Variants in AMOTL2 observed in about 807,000 individuals in gnomAD.
AMOTL2 encodes angiomotin like 2, also known as angiomotin-like protein 2.
AMOTL2 carries 33 observed loss-of-function variants against 78.4 expected under a neutral mutation model. That is an observed-to-expected ratio of 0.42 (90% confidence interval 0.32 to 0.56). The LOEUF (loss-of-function observed/expected upper bound fraction) is 0.56, where lower values mean the gene tolerates loss of function less well. Among genes scored for constraint, AMOTL2 ranks in the 20% least tolerant of loss-of-function variants. The pLI is 0.12. For missense variants in AMOTL2, 983 were observed against 1,030.1 expected (o/e 0.95, Z 0.63); for synonymous variants, 422 against 428.8 (o/e 0.98, Z 0.20).
intron 2 of AMOTL2, among the ~76,000 whole-genome samples, chr3:134,369,172 T>C (rs1459548416): frequency 6.6e-6 from 1 of 152,190 alleles, no homozygotes; most frequent in East Asian, 1.9e-4. Flanking sequence ...TTTCTCCTAC[T>C]ACCTAAGGTG....
chr3:134,361,449 C>G, intron 6 of AMOTL2, 63 bp downstream of exon 6: 1 of 1,490,708 alleles, frequency 6.7e-7, no homozygotes, highest in Admixed American at 2.1e-5. Flanking sequence ...CTACAGTCCC[C>G]GAGGAGGAAG....
chr3:134,360,946 G>A (rs1452091604), intron 6 of AMOTL2, among the ~76,000 whole-genome samples: 2 of 152,180 alleles, frequency 1.3e-5, no homozygotes, highest in African/African-American at 2.4e-5. Context: ...GGCCAAGGTC[G>A]GCGGACCACG....
intron 1 of AMOTL2, 28 bp downstream of exon 1, chr3:134,374,314 C>G (rs2107752147): frequency 1.0e-6 from 1 of 985,446 alleles, no homozygotes; most frequent in East Asian, 1.1e-4. Flanking sequence ...CTCGCGCGCT[C>G]TCCCGAGCGC....
upstream of AMOTL2, chr3:134,375,352 T>C: frequency 9.8e-7 from 1 of 1,021,846 alleles, no homozygotes; most frequent in Admixed American, 2.0e-5. Context: ...ATCATCCCTG[T>C]GTTGTAAATG....
intron 6 of AMOTL2, 106 bp downstream of exon 6, chr3:134,361,406 G>T (rs2017355219): frequency 7.5e-7 from 1 of 1,335,726 alleles, no homozygotes; most frequent in Admixed American, 2.7e-5. Flanking sequence ...ATCTAAGCAG[G>T]GGCTCCCGGG....
chr3:134,366,297 T>C lies in AMOTL2; in HGVS notation c.1172A>G (p.Asn391Ser). Residue 391 changes from asparagine to serine, a missense_variant, in exon 4 of 10, where the codon AAC becomes AGC. By Grantham distance (46) the Asn-to-Ser change is conservative. Coordinates refer to ENST00000249883, the MANE Select transcript of AMOTL2 (RefSeq NM_016201.4). The stretch of plus-strand genomic sequence containing the variant: ...CTGGCTCTCACCTCTAAGATCCCGG[T>C]TGAAGTCTTGCAGCCTCCTCATTTC... The part of the protein sequence containing the change: ...DSEMRRLQDF[N>S]RDLRERLESA... The C allele has an allele frequency of 6.2e-7, 1 of 1,614,176 alleles. No homozygotes were observed.
rs1290542031 is a variant in AMOTL2, at chr3:134,371,344, C to T, written c.90G>A (p.Thr30=). 6.8e-6 allele frequency: 11 copies of T among 1,611,170 alleles called. No homozygotes were observed. The highest frequency in any genetic ancestry group is 4.0e-5 in the African/African-American group (3 of 74,920). Residue 30 remains threonine, a synonymous_variant, in exon 2 of 10, where the codon ACG becomes ACA. Transcript: ENST00000249883. ...LRYGNLTETR[T]LLAIQQQALR... ...GGGCCTGCTGCTGGATGGCTAGCAG[C>T]GTGCGCGTCTCAGTCAGGTTGCCGT...
chr3:134,360,769 C>T (rs368477276), intron 6 of AMOTL2, among the ~76,000 whole-genome samples: 97 of 152,318 alleles, frequency 6.4e-4, no homozygotes, highest in African/African-American at 2.3e-3. Flanking sequence ...GGAGAAATAA[C>T]TCTATTTGGT....
intron 5 of AMOTL2, 64 bp downstream of exon 5, chr3:134,365,753 G>A: frequency 6.9e-7 from 1 of 1,455,322 alleles, no homozygotes; most frequent in South Asian, 1.2e-5. Context: ...TCCTAGTCCA[G>A]AGGGTGTGCA....
rs544825962 is a variant in AMOTL2, at chr3:134,369,308, A to G, written c.734+1392T>C. 2.6e-4 allele frequency among the ~76,000 whole-genome samples: 40 copies of G among 152,316 alleles called. 1 individual carries two copies. The South Asian group carries it at 7.5e-3, about 28-fold the overall frequency. On this transcript the variant is annotated intron_variant, in intron 2 of 9. Coordinates refer to ENST00000249883, the MANE Select transcript of AMOTL2 (RefSeq NM_016201.4). ...CTCCCCCCTGCACTGGGCCAGGCAG[A>G]CACAACTGGCATTCTTTGGGGATGA...
At chr3:134,370,458 A>C (rs1034462143) in intron 2 of AMOTL2, among the ~76,000 whole-genome samples, 6 of 152,182 alleles carry the variant, frequency 3.9e-5, no homozygotes, top group Non-Finnish European at 8.8e-5. Context: ...AGTTACTTGA[A>C]TGCTACAGCT....
At chr3:134,375,368 AC>A, upstream of AMOTL2, 1 of 896,584 alleles carries the variant, frequency 1.1e-6, no homozygotes, top group Non-Finnish European at 1.8e-6. Context: ...AAATGAGGAC[AC>A]CAGGGCTCAG....
intron 3 of AMOTL2, 108 bp downstream of exon 3, chr3:134,367,385 TCCAG>T (rs2017654515): frequency 7.8e-7 from 1 of 1,287,436 alleles, no homozygotes. Flanking sequence ...TAGGGAGAAA[TCCAG>T]CCAAACAGTT....
At position 134,356,270 on chromosome 3, in the gene AMOTL2, A is replaced by G. The variant is rs2017075534; in HGVS notation, c.*1435T>C. The G allele has an allele frequency of 6.6e-6, 1 of 152,342 alleles. No individual in the cohort carries two copies. Among genetic ancestry groups the G allele is most frequent in the South Asian group, 2.1e-4 (1 of 4,812 alleles). The allele number at this position is 152,342 out of a possible 1,614,324, so 9.4% of individuals were successfully genotyped here. A position where few individuals can be genotyped will look rare whatever the true frequency, so the allele number is the denominator to read the frequency against. Reference sequence around the variant, plus strand: ...AATGTTTAAAAAGGAAACTTGAGGAACCATGGAAATAAAACAACACATACC... The same window carrying G: ...AATGTTTAAAAAGGAAACTTGAGGAGCCATGGAAATAAAACAACACATACC... On this transcript the variant is annotated 3_prime_UTR_variant, in exon 10 of 10. Coordinates refer to ENST00000249883, the MANE Select transcript of AMOTL2 (RefSeq NM_016201.4).
In AMOTL2 at chr3:134,360,306, C is replaced by A; in HGVS notation, c.1683G>T (p.Ala561=). 1 of 1,614,246 alleles carries A rather than the reference C, an allele frequency of 6.2e-7. No homozygotes were observed. The highest frequency in any genetic ancestry group is 1.7e-5 in the Admixed American group (1 of 60,036). The change falls in exon 7 of 10, where the codon GCG becomes GCT. Residue 561 remains alanine (A), a synonymous_variant. Transcript: ENST00000249883. ...QLREKEEQIL[A]LEADMTKWEQ... Reference sequence around the variant, plus strand: ...CCCACTTGGTCATGTCGGCCTCCAGCGCCAGGATCTGCTCCTCCTTCTCTC... The same window carrying A: ...CCCACTTGGTCATGTCGGCCTCCAGAGCCAGGATCTGCTCCTCCTTCTCTC...
intron 1 of AMOTL2, among the ~76,000 whole-genome samples, chr3:134,373,270 A>G (rs1232697093): frequency 6.6e-6 from 1 of 152,038 alleles, no homozygotes; most frequent in Non-Finnish European, 1.5e-5. Context: ...ATCTGCGGGC[A>G]TTTCCTATGA....
chr3:134,365,951 C>T, intron 4 of AMOTL2, 42 bp from the exon 5 acceptor site: 3 of 1,594,928 alleles, frequency 1.9e-6, no homozygotes, highest in Non-Finnish European at 1.7e-6. Flanking sequence ...TCAGGTGAAG[C>T]TGCCAGCTTG....
upstream of AMOTL2, chr3:134,375,154 G>A: frequency 1.3e-6 from 2 of 1,533,940 alleles, no homozygotes; most frequent in South Asian, 1.2e-5. Context: ...GTGTGAATCT[G>A]GGTTGGAAAA....
chr3:134,370,584 A>T, intron 2 of AMOTL2, 116 bp downstream of exon 2: 1 of 1,302,576 alleles, frequency 7.7e-7, no homozygotes, highest in Non-Finnish European at 1.0e-6. Context: ...CTCAGGTTGG[A>T]GGTGGGGTGG....
Sources: allele counts gnomAD v4.1 joint callset (sites outside exome capture counted in the v4.1 genomes callset), GRCh38; gene constraint gnomAD v4.1.1; transcripts MANE v1.5; gene names NCBI Gene and HGNC (gene_info 2026-07-23, HGNC 2026-07-21).